FAM193A: variants seen among roughly 807,000 people sequenced by gnomAD.
FAM193A encodes the protein family with sequence similarity 193 member A.
In FAM193A, 22 loss-of-function variants were observed where a neutral mutation model predicts 126.5. The observed-to-expected ratio is 0.17, with a 90% CI of 0.12 to 0.25. The LOEUF (loss-of-function observed/expected upper bound fraction) is 0.25, where lower values mean the gene tolerates loss of function less well. FAM193A is among the 10% of genes least tolerant of loss of function. FAM193A has a pLI of 1.00. For missense variants in FAM193A, 1,675 were observed against 1,672.8 expected (o/e 1.00, Z -0.02); for synonymous variants, 761 against 646.8 (o/e 1.18, Z -2.68).
chr4:2,664,712 C>T (rs755464099), intron 12 of FAM193A, among the ~76,000 whole-genome samples: 2 of 151,790 alleles, frequency 1.3e-5, no homozygotes, highest in Admixed American at 6.6e-5. Context: ...TACAGGTGCA[C>T]GCCACCACGC....
At chr4:2,726,950 C>CA (rs35697253) in intron 20 of FAM193A, among the ~76,000 whole-genome samples, 38,964 of 103,790 alleles carry the variant, frequency 0.38, 7,752 homozygotes, top group South Asian at 0.53. Flanking sequence ...AACTCCGTCC[C>CA]AAAAAAAAAA....
At chr4:2,731,725 T>G in intron 20 of FAM193A, 50 bp from the exon 21 acceptor site, 1 of 1,411,436 alleles carries the variant, frequency 7.1e-7, no homozygotes, top group Non-Finnish European at 1.0e-6. Context: ...AGCACCAGCT[T>G]GGTTGTGGGC....
chr4:2,680,556 G>A (rs1204445887), intron 13 of FAM193A, among the ~76,000 whole-genome samples: 2 of 151,948 alleles, frequency 1.3e-5, no homozygotes, highest in East Asian at 3.9e-4. Context: ...AGTCTGGACT[G>A]AAACTCCTGG....
chr4:2,659,741 C>G, intron 9 of FAM193A, 71 bp downstream of exon 9: 1 of 1,613,258 alleles, frequency 6.2e-7, no homozygotes, highest in African/African-American at 1.3e-5. Context: ...AGGCCTAGAA[C>G]CGACCCTTAG....
chr4:2,714,484 A>G (rs1031777139), intron 19 of FAM193A, among the ~76,000 whole-genome samples: 15 of 151,962 alleles, frequency 9.9e-5, no homozygotes, highest in African/African-American at 3.6e-4. Context: ...TTCCCTGAAC[A>G]CACCCAGCCT....
chr4:2,700,849 A>T (rs1160864176), intron 19 of FAM193A, among the ~76,000 whole-genome samples: 2 of 152,128 alleles, frequency 1.3e-5, no homozygotes, highest in African/African-American at 4.8e-5. Flanking sequence ...CTGTAATCCT[A>T]GCTACTCGGG....
At chr4:2,547,080 CTG>C (rs1737607842) in intron 1 of FAM193A, among the ~76,000 whole-genome samples, 1 of 152,154 alleles carries the variant, frequency 6.6e-6, no homozygotes, top group South Asian at 2.1e-4. Flanking sequence ...CTGGCCTAAA[CTG>C]TTTTTTAAAA....
At chr4:2,692,351 G>A (rs1249873734) in intron 15 of FAM193A, among the ~76,000 whole-genome samples, 1 of 152,322 alleles carries the variant, frequency 6.6e-6, no homozygotes, top group African/African-American at 2.4e-5. Flanking sequence ...CCACGCTTCA[G>A]TTGTTTCCAC....
chr4:2,707,713 A>ATT (rs752751839), intron 19 of FAM193A, among the ~76,000 whole-genome samples: 4,092 of 130,794 alleles, frequency 0.031, 119 homozygotes, highest in Middle Eastern at 0.1. Context: ...TATATTTCTT[A>ATT]TTTTTTTTTT....
intron 13 of FAM193A, among the ~76,000 whole-genome samples, chr4:2,678,960 T>G (rs1213180684): frequency 6.6e-6 from 1 of 152,242 alleles, no homozygotes; most frequent in Admixed American, 6.5e-5. Context: ...TAATACTGTG[T>G]TGAAGAGAAG....
chr4:2,689,454 A>T, intron 13 of FAM193A, 52 bp from the exon 14 acceptor site: 1 of 1,330,790 alleles, frequency 7.5e-7, no homozygotes. Flanking sequence ...CTACTTACCT[A>T]GGTAAACAGA....
intron 8 of FAM193A, among the ~76,000 whole-genome samples, chr4:2,658,820 G>A (rs1414027594): frequency 6.6e-6 from 1 of 152,118 alleles, no homozygotes; most frequent in African/African-American, 2.4e-5. Flanking sequence ...GCGTGAACTC[G>A]GCTCACTGCA....
Position 2,631,107 on chromosome 4 carries a change from C to A in FAM193A, c.976C>A (p.Leu326Ile). 6.2e-7 allele frequency: 1 copy of A among 1,613,904 alleles called. No individual in the cohort carries two copies. The highest frequency in any genetic ancestry group is 2.2e-5 in the East Asian group (1 of 44,880). Reference sequence around the variant, plus strand: ...AGCGCACCAGTTCATCTCCCTCCTGCTTGAGGAGTACGGCGCCCTCTGCCA... The same window carrying A: ...AGCGCACCAGTTCATCTCCCTCCTGATTGAGGAGTACGGCGCCCTCTGCCA... ...PQAHQFISLLLEEYGALCQAA... is the reference protein window; with the variant it reads ...PQAHQFISLLIEEYGALCQAA... The change falls in exon 5 of 21, where the codon CTT (leucine) becomes ATT (isoleucine). Residue 326 changes from leucine to isoleucine, a missense_variant. Physicochemically the swap from Leu to Ile is conservative, Grantham distance 5 (BLOSUM62 2). Transcript: ENST00000637812.
intron 1 of FAM193A, among the ~76,000 whole-genome samples, chr4:2,568,688 A>T (rs1265645723): frequency 6.6e-6 from 1 of 152,200 alleles, no homozygotes; most frequent in Admixed American, 6.5e-5. Context: ...CAAAGTATAA[A>T]GGGAAAAAAC....
intron 1 of FAM193A, among the ~76,000 whole-genome samples, chr4:2,549,490 G>A (rs1490512851): frequency 1.5e-5 from 2 of 135,784 alleles, no homozygotes; most frequent in Middle Eastern, 3.9e-3. Context: ...TCCGCCTCCC[G>A]GGTTCACGCC....
At chr4:2,686,738 T>A (rs188959010) in intron 13 of FAM193A, among the ~76,000 whole-genome samples, 1 of 152,196 alleles carries the variant, frequency 6.6e-6, no homozygotes, top group Non-Finnish European at 1.5e-5. Context: ...TGAGAGTGCT[T>A]CTAGTCATGG....
intron 12 of FAM193A, among the ~76,000 whole-genome samples, 199 bp downstream of exon 12, chr4:2,663,487 C>T (rs1712731136): frequency 6.6e-6 from 1 of 151,960 alleles, no homozygotes. Flanking sequence ...TTCGCAACAC[C>T]CCATAGCAGC....
chr4:2,629,341 T>G (rs1187782213), intron 4 of FAM193A, among the ~76,000 whole-genome samples: 1 of 152,198 alleles, frequency 6.6e-6, no homozygotes, highest in Admixed American at 6.6e-5. Flanking sequence ...TTTTAATAGA[T>G]GAAATGCATT....
At chr4:2,703,654 G>A (rs1717984682) in intron 19 of FAM193A, among the ~76,000 whole-genome samples, 1 of 152,090 alleles carries the variant, frequency 6.6e-6, no homozygotes, top group Non-Finnish European at 1.5e-5. Context: ...TCCCAGAAGG[G>A]AGAGGGCTGG....
Sources: allele counts gnomAD v4.1 joint callset (sites outside exome capture counted in the v4.1 genomes callset), GRCh38; gene constraint gnomAD v4.1.1; transcripts MANE v1.5; gene names NCBI Gene and HGNC (gene_info 2026-07-23, HGNC 2026-07-21).